The following CCBE1 variants were observed in gnomAD, a reference collection of about 807,000 sequenced individuals.
CCBE1 encodes collagen and calcium binding EGF domains 1.
Under a neutral mutation model 50.0 loss-of-function variants are expected in CCBE1, and 37 were observed. The ratio of observed to expected loss-of-function variants is 0.74; its 90% CI spans 0.57 to 0.97. The LOEUF (loss-of-function observed/expected upper bound fraction) is 0.97. Ranked by LOEUF, CCBE1 falls within the 50% of genes least tolerant of loss-of-function variation. CCBE1 has a pLI of 0.00. For missense variants in CCBE1, 538 were observed against 523.8 expected, an observed-to-expected ratio of 1.03 and a Z score of -0.26; for synonymous variants, 234 against 203.7, an observed-to-expected ratio of 1.15 and a Z score of -1.27.
intron 7 of CCBE1, among the ~76,000 whole-genome samples, chr18:59,442,257 G>GTA (rs1290813959): frequency 3.9e-5 from 6 of 152,090 alleles, no homozygotes; most frequent in Non-Finnish European, 7.4e-5. Flanking sequence ...GTTAAACTCG[G>GTA]TATAGTCTCA....
At chr18:59,583,654 C>CGTGTGTGTGTGTGTGT (rs752150539) in intron 2 of CCBE1, among the ~76,000 whole-genome samples, 6 of 142,104 alleles carry the variant, frequency 4.2e-5, no homozygotes, top group Non-Finnish European at 7.8e-5. Context: ...CACTGCTTTG[C>CGTGTGTGTGTGTGTGT]GTGTGTGTGT....
rs2143618879 is a variant in CCBE1, at chr18:59,439,710, C to T, written c.882G>A (p.Leu294=). The T allele has an allele frequency of 6.2e-7, 1 of 1,614,238 alleles. No individual in the cohort carries two copies. Among genetic ancestry groups the T allele is most frequent in the East Asian group, 2.2e-5 (1 of 44,876 alleles). Residue 294 remains leucine (L), a synonymous_variant, in exon 8 of 11, where the codon CTG becomes CTA. Coordinates refer to ENST00000439986, the MANE Select transcript of CCBE1 (RefSeq NM_133459.4). ...CCCTCCGGCCTTGCTTAATGTGGGACAGATCAGGAGATGGTCCCATGGGTC... is the reference window on the plus strand; with the variant it reads ...CCCTCCGGCCTTGCTTAATGTGGGATAGATCAGGAGATGGTCCCATGGGTC... ...SMGPMGPSPD[L]SHIKQGRRGP...
Position 59,466,736 on chromosome 18 carries a change from T to C in CCBE1, c.553+3A>G. 2 of 1,611,580 alleles carry C rather than the reference T, an allele frequency of 1.2e-6. No individual in the cohort carries two copies. Among genetic ancestry groups the C allele is most frequent in the Non-Finnish European group, 1.7e-6 (2 of 1,178,926 alleles). On this transcript the variant is annotated splice_donor_region_variant and intron_variant, in intron 5 of 10. Transcript: ENST00000439986. Reference sequence around the variant, plus strand: ...GGGAGATATTTAGACTTGCCCTACTTACCAGTGTCATTGGGATATTTGTCT... The same window carrying C: ...GGGAGATATTTAGACTTGCCCTACTCACCAGTGTCATTGGGATATTTGTCT...
At position 59,490,713 on chromosome 18, in the gene CCBE1, C is replaced by A. The variant is rs569585957; in HGVS notation, c.213-10475G>T. 3.3e-5 allele frequency among the ~76,000 whole-genome samples: 5 copies of A among 152,308 alleles called. No individual in the cohort carries two copies. In the South Asian group the frequency reaches 1.0e-3, roughly 32 times the overall value. On this transcript the variant is annotated intron_variant, in intron 2 of 10. Coordinates refer to ENST00000439986, the MANE Select transcript of CCBE1 (RefSeq NM_133459.4). ...AACCAAACAGCTTTTGACTAAGTCA[C>A]CTGGAGCCACCATATGGTAATTATT...
chr18:59,610,865 G>A (rs1328613633), intron 2 of CCBE1, among the ~76,000 whole-genome samples: 1 of 152,194 alleles, frequency 6.6e-6, no homozygotes, highest in East Asian at 1.9e-4. Context: ...GCGCCCCTGG[G>A]GATTCACAGG....
At chr18:59,582,066 C>T (rs1187530860) in intron 2 of CCBE1, among the ~76,000 whole-genome samples, 1 of 152,070 alleles carries the variant, frequency 6.6e-6, no homozygotes, top group Non-Finnish European at 1.5e-5. Context: ...GTTCTTCTCA[C>T]AAAACCTGTG....
At chr18:59,693,864 CTTTTTTTT>C (rs11410421) in intron 2 of CCBE1, among the ~76,000 whole-genome samples, 9 of 70,772 alleles carry the variant, frequency 1.3e-4, no homozygotes, top group Admixed American at 4.9e-4. Flanking sequence ...AAAGGAAAGC[CTTTTTTTT>C]TTTTTTTTTT....
chr18:59,449,491 G>GCA (rs555938988), intron 6 of CCBE1, among the ~76,000 whole-genome samples: 11 of 152,164 alleles, frequency 7.2e-5, no homozygotes, highest in African/African-American at 2.6e-4. Context: ...GCATGGTGGT[G>GCA]CACGCCTGTA....
intron 4 of CCBE1, among the ~76,000 whole-genome samples, chr18:59,468,864 A>AC (rs142861316): frequency 0.44 from 65,174 of 149,786 alleles, 14,224 homozygotes; most frequent in South Asian, 0.51. Context: ...CCAAACGAGG[A>AC]CCCCAGATGT....
intron 2 of CCBE1, among the ~76,000 whole-genome samples, chr18:59,534,348 C>T (rs1244716560): frequency 1.3e-5 from 2 of 152,082 alleles, no homozygotes; most frequent in Non-Finnish European, 2.9e-5. Flanking sequence ...TTGTCTTGTC[C>T]TTAATATTTT....
chr18:59,647,177 A>G (rs1056333855), intron 2 of CCBE1, among the ~76,000 whole-genome samples: 2 of 152,226 alleles, frequency 1.3e-5, no homozygotes, highest in African/African-American at 4.8e-5. Context: ...GACTAAAAAT[A>G]CCCACATTAA....
rs188512929 is a variant in CCBE1 at position 59,575,482 on chromosome 18, A to G, written c.213-95244T>C. ...GATATTTTAATAAAAGCATCCTCAG[A>G]CTGAGAATGTTCAAATTATAGTCAG... On this transcript the variant is annotated intron_variant, in intron 2 of 10. Transcript: ENST00000439986. 1.3e-3 allele frequency among the ~76,000 whole-genome samples: 205 copies of G among 152,344 alleles called. 2 individuals are homozygous for G. The highest frequency in any genetic ancestry group is 3.5e-4 in the Non-Finnish European group (24 of 68,028).
At chr18:59,466,119 T>C (rs1911729030) in intron 5 of CCBE1, among the ~76,000 whole-genome samples, 1 of 152,128 alleles carries the variant, frequency 6.6e-6, no homozygotes, top group South Asian at 2.1e-4. Context: ...TTATATATAT[T>C]ACATATAACT....
intron 2 of CCBE1, among the ~76,000 whole-genome samples, chr18:59,682,620 G>A (rs527610538): frequency 1.2e-3 from 181 of 152,270 alleles, no homozygotes; most frequent in Admixed American, 4.4e-3. Context: ...AAATGGCTTA[G>A]CACCCTATTT....
At chr18:59,438,028 C>T in intron 10 of CCBE1, 83 bp downstream of exon 10, 1 of 1,434,182 alleles carries the variant, frequency 7.0e-7, no homozygotes. Flanking sequence ...CGGGCTTTTG[C>T]TACTAGACCA....
chr18:59,653,389 C>G (rs2054150488), intron 2 of CCBE1, among the ~76,000 whole-genome samples: 2 of 152,206 alleles, frequency 1.3e-5, no homozygotes, highest in African/African-American at 4.8e-5. Context: ...CTTTTTTAAT[C>G]CATCTGCCTG....
intron 2 of CCBE1, among the ~76,000 whole-genome samples, chr18:59,571,309 G>T (rs2052910485): frequency 6.6e-6 from 1 of 152,048 alleles, no homozygotes; most frequent in Non-Finnish European, 1.5e-5. Flanking sequence ...ATCTATCCTT[G>T]AGTTCATGTC....
intron 2 of CCBE1, chr18:59,688,181 T>C (rs2054682694): frequency 6.6e-6 from 1 of 152,154 alleles, no homozygotes; most frequent in African/African-American, 2.4e-5. Flanking sequence ...AATTCAAAAC[T>C]AACATTTCGG....
intron 2 of CCBE1, among the ~76,000 whole-genome samples, chr18:59,647,375 A>T (rs2054068969): frequency 1.3e-5 from 2 of 152,218 alleles, no homozygotes; most frequent in Non-Finnish European, 2.9e-5. Context: ...GAAATACATA[A>T]ATAGAAAAAA....
Sources: allele counts gnomAD v4.1 joint callset (sites outside exome capture counted in the v4.1 genomes callset), GRCh38; gene constraint gnomAD v4.1.1; transcripts MANE v1.5; gene names NCBI Gene and HGNC (gene_info 2026-07-23, HGNC 2026-07-21).